Variants in PPL observed in about 807,000 individuals in gnomAD.
PPL encodes the protein 190 kDa paraneoplastic pemphigus antigen.
A neutral mutation model predicts 194.4 loss-of-function variants in PPL; 198 were observed. The ratio of observed to expected loss-of-function variants is 1.02; its 90% CI spans 0.91 to 1.15. The LOEUF (loss-of-function observed/expected upper bound fraction) is 1.15, where lower values mean the gene tolerates loss of function less well. Among genes scored for constraint, PPL ranks in the 50% most tolerant of loss-of-function variants. The probability of loss-of-function intolerance (pLI) is 0.00; values close to 1 mark genes in which losing one functional copy is unlikely to be tolerated. For missense variants in PPL, 2,885 were observed against 2,294.8 expected, an observed-to-expected ratio of 1.26 and a Z score of -5.25; for synonymous variants, 1,220 against 972.4, an observed-to-expected ratio of 1.25 and a Z score of -4.74.
In PPL at chr16:4,885,528, C is replaced by G; in HGVS notation, c.3127G>C (p.Glu1043Gln). ...TTCTCCTGCGCCCGGCTCTTCTCTT[C>G]AGCCAGGGCGGCCACACGCTGCTGC... ...LLQQRVAALA[E>Q]EKSRAQEKVT... The change falls in exon 22 of 22, where the codon GAA (glutamate) becomes CAA (glutamine). Residue 1043 changes from glutamate (E) to glutamine (Q), a missense_variant. Glu to Gln is a conservative substitution (Grantham distance 29, BLOSUM62 2). Coordinates refer to ENST00000345988, the MANE Select transcript of PPL (RefSeq NM_002705.5). This position sits in a 1 kb window ranked among gnomAD's most constrained non-coding sequence, Gnocchi z 6.3. The G allele has an allele frequency of 6.2e-7, 1 of 1,611,020 alleles. No individual in the cohort carries two copies. Among genetic ancestry groups the G allele is most frequent in the African/African-American group, 1.3e-5 (1 of 75,040 alleles).
chr16:4,910,725 T>G, intron 2 of PPL, 125 bp downstream of exon 2: 1 of 845,348 alleles, frequency 1.2e-6, no homozygotes, highest in Non-Finnish European at 1.9e-6. Flanking sequence ...CCAAAATGTC[T>G]CTGCATGTTC....
intron 9 of PPL, among the ~76,000 whole-genome samples, chr16:4,896,601 TG>T (rs1480967997): frequency 6.8e-6 from 1 of 146,938 alleles, no homozygotes; most frequent in African/African-American, 2.5e-5. Flanking sequence ...GCTGGGGGAG[TG>T]GGAATGGAAA....
At chr16:4,930,027 A>C (rs1422431128) in intron 1 of PPL, among the ~76,000 whole-genome samples, 1 of 152,140 alleles carries the variant, frequency 6.6e-6, no homozygotes, top group African/African-American at 2.4e-5. Context: ...ATTCAGGAAG[A>C]GTAAGTGGAA....
intron 3 of PPL, among the ~76,000 whole-genome samples, chr16:4,903,118 C>T (rs1457547145): frequency 6.6e-6 from 1 of 152,172 alleles, no homozygotes; most frequent in Admixed American, 6.5e-5. Context: ...CAGCAGGGCC[C>T]ACAGTGTGGT....
chr16:4,895,105 G>A (rs558709684), intron 11 of PPL, among the ~76,000 whole-genome samples, 156 bp downstream of exon 11: 3 of 152,332 alleles, frequency 2.0e-5, no homozygotes, highest in Admixed American at 6.5e-5. Context: ...CGGCATAGGG[G>A]TGCCAGTTGG....
At position 4,902,588 on chromosome 16, in the gene PPL, G is replaced by T; in HGVS notation, c.318-62C>A. The stretch of plus-strand genomic sequence containing the variant: ...TGGCACTGCCTGCACCCCAGGAGGG[G>T]CCCCCCACCCAGACCCCGGCCTCAG... On this transcript the variant is annotated intron_variant, in intron 3 of 21. Transcript: ENST00000345988. This position sits in a 1 kb window ranked among gnomAD's most constrained non-coding sequence, Gnocchi z 4.0. 1 of 1,573,840 alleles carries T rather than the reference G, an allele frequency of 6.4e-7. No homozygotes were observed.
chr16:4,893,434 G>C, intron 13 of PPL, 64 bp from the exon 14 acceptor site: 1 of 1,589,572 alleles, frequency 6.3e-7, no homozygotes, highest in East Asian at 2.2e-5. Context: ...GCCCAGGGAT[G>C]GACCTAGGCA....
intron 1 of PPL, among the ~76,000 whole-genome samples, chr16:4,924,151 C>A (rs2089110810): frequency 6.6e-6 from 1 of 152,154 alleles, no homozygotes; most frequent in African/African-American, 2.4e-5. Context: ...CTGAGCCACA[C>A]AGAATTTACA....
rs2088402864 is a variant in PPL, at chr16:4,895,272, C to G, written c.1231G>C (p.Glu411Gln). The G allele has an allele frequency of 4.4e-6, 7 of 1,605,994 alleles. No individual in the cohort carries two copies. Among genetic ancestry groups the G allele is most frequent in the Middle Eastern group, 3.3e-4 (2 of 6,010 alleles). Residue 411 changes from glutamate to glutamine, a missense_variant, in exon 11 of 22, where the codon GAG becomes CAG. By Grantham distance (29) the Glu-to-Gln change is conservative. Transcript: ENST00000345988. ...PIPVEALCDF[E>Q]GEQGLISRGY... ...CTGGCCCCACGCACCTGCTCCCCCT[C>G]AAAGTCACAGAGTGCCTCCACGGGG...
chr16:4,899,025 CCTCCCGGGG>C lies in PPL; in HGVS notation c.855_863del (p.His285_Arg288delinsGln). 6.2e-7 allele frequency: 1 copy of C among 1,613,552 alleles called. No homozygotes were observed. The highest frequency in any genetic ancestry group is 8.5e-7 in the Non-Finnish European group (1 of 1,179,902). On this transcript the variant is annotated inframe_deletion, in exon 8 of 22. Coordinates refer to ENST00000345988, the MANE Select transcript of PPL (RefSeq NM_002705.5). ...GGGGTGCATGAACCTCAATGGAGTT[CCTCCCGGGG>C]TGCTCGGCCGCCAGCAGCTGGTCGC...
At chr16:4,888,713 T>TC in intron 19 of PPL, 1 of 209,316 alleles carries the variant, frequency 4.8e-6, no homozygotes. Context: ...TTATCCTGCA[T>TC]TTTTTTTTTT....
At chr16:4,886,775 C>T (rs1340131060) in intron 21 of PPL, among the ~76,000 whole-genome samples, 7 of 152,170 alleles carry the variant, frequency 4.6e-5, no homozygotes, top group Admixed American at 6.6e-5. Flanking sequence ...TGCGCCACGA[C>T]GCCCAGCTAA....
intron 1 of PPL, among the ~76,000 whole-genome samples, chr16:4,911,796 C>T (rs567164534): frequency 6.6e-6 from 1 of 152,276 alleles, no homozygotes; most frequent in East Asian, 1.9e-4. Context: ...CCTTGGACTC[C>T]CAAAGTGCTG....
In PPL at chr16:4,920,385, A is replaced by G. The variant is rs1378559684; in HGVS notation, c.63-9436T>C. Among the ~76,000 whole-genome samples, 26 of 151,686 alleles carry G rather than the reference A, an allele frequency of 1.7e-4. 1 individual carries two copies. The highest frequency in any genetic ancestry group is 1.7e-3 in the Admixed American group (26 of 15,192). Reference sequence around the variant, plus strand: ...AAAGAAAGAAAGGACACCTCGGTCAAATTTCAAAGACACCTTTGTGGTTCA... The same window carrying G: ...AAAGAAAGAAAGGACACCTCGGTCAGATTTCAAAGACACCTTTGTGGTTCA... On this transcript the variant is annotated intron_variant, in intron 1 of 21. Coordinates refer to ENST00000345988, the MANE Select transcript of PPL (RefSeq NM_002705.5).
Position 4,884,600 on chromosome 16 carries a change from T to C in PPL, c.4055A>G (p.Gln1352Arg). ...ELSRVKERVV[Q>R]QEVVRYEEEP... ...CTCCTCATACCTGACCACCTCCTGCTGCACCACCCTTTCCTTCACCCGCGA... is the reference window on the plus strand; with the variant it reads ...CTCCTCATACCTGACCACCTCCTGCCGCACCACCCTTTCCTTCACCCGCGA... The change falls in exon 22 of 22, where the codon CAG becomes CGG. Residue 1352 changes from glutamine (Q) to arginine (R), a missense_variant. Coordinates refer to ENST00000345988, the MANE Select transcript of PPL (RefSeq NM_002705.5). This position sits in a 1 kb window ranked among gnomAD's most constrained non-coding sequence, Gnocchi z 5.7. 3 of 1,614,128 alleles carry C rather than the reference T, an allele frequency of 1.9e-6. No homozygotes were observed. The highest frequency in any genetic ancestry group is 2.5e-6 in the Non-Finnish European group (3 of 1,180,000).
chr16:4,899,217 A>G lies in PPL; in HGVS notation c.768+6T>C, dbSNP rs780773376. 6.2e-7 allele frequency: 1 copy of G among 1,613,658 alleles called. No individual in the cohort carries two copies. Among genetic ancestry groups the G allele is most frequent in the South Asian group, 1.1e-5 (1 of 91,042 alleles). ...CTCCCTGATGCCCCAGGCCCCCAGA[A>G]CCCACCTCATACTGGCGCCGGCGGC... On this transcript the variant is annotated splice_donor_region_variant and intron_variant, in intron 7 of 21. Coordinates refer to ENST00000345988, the MANE Select transcript of PPL (RefSeq NM_002705.5).
chr16:4,891,068 C>G lies in PPL; in HGVS notation c.1969-147G>C, dbSNP rs1315866316. 9 of 627,802 alleles carry G rather than the reference C, an allele frequency of 1.4e-5. No individual in the cohort carries two copies. In the South Asian group the frequency reaches 2.2e-4, roughly 15 times the overall value. The allele number at this position is 627,802 out of a possible 1,614,324, so 38.9% of individuals were successfully genotyped here. A position where few individuals can be genotyped will look rare whatever the true frequency, so the allele number is the denominator to read the frequency against. On this transcript the variant is annotated intron_variant, in intron 16 of 21. Transcript: ENST00000345988. Reference sequence around the variant, plus strand: ...GGACCGGAGCCTTGCTCTGTACATCCCAAACCTGGGTCACTTCTGCCATCT... The same window carrying G: ...GGACCGGAGCCTTGCTCTGTACATCGCAAACCTGGGTCACTTCTGCCATCT...
rs1022785998 is a variant in PPL at position 4,885,274 on chromosome 16, C to G, written c.3381G>C (p.Glu1127Asp). Reference sequence around the variant, plus strand: ...GGCGGGTGAGATCGCTGACCTCCCTCTCGGTGGCCGCGTCCTTCTCCACCT... The same window carrying G: ...GGCGGGTGAGATCGCTGACCTCCCTGTCGGTGGCCGCGTCCTTCTCCACCT... ...VLKVEKDAAT[E>D]REVSDLTRQY... The change falls in exon 22 of 22, where the codon GAG (glutamate) becomes GAC (aspartate). Residue 1127 changes from glutamate (E) to aspartate (D), a missense_variant. By Grantham distance (45) the Glu-to-Asp change is conservative. Transcript: ENST00000345988. This position sits in a 1 kb window ranked among gnomAD's most constrained non-coding sequence, Gnocchi z 6.3. 6.2e-7 allele frequency: 1 copy of G among 1,612,024 alleles called. No individual in the cohort carries two copies. The highest frequency in any genetic ancestry group is 8.5e-7 in the Non-Finnish European group (1 of 1,179,978).
intron 1 of PPL, among the ~76,000 whole-genome samples, chr16:4,920,371 G>GGAAGAAAGAAAGAAAGAAAGAAA (rs1555523899): frequency 3.2e-5 from 3 of 94,234 alleles, no homozygotes; most frequent in African/African-American, 6.4e-5. Context: ...AAGAAAGAAA[G>GGAAGAAAGAAAGAAAGAAAGAAA]GACACCTCGG....
Sources: allele counts gnomAD v4.1 joint callset (sites outside exome capture counted in the v4.1 genomes callset), GRCh38; gene constraint gnomAD v4.1.1; non-coding constraint Gnocchi (gnomAD v3.1); transcripts MANE v1.5; gene names NCBI Gene and HGNC (gene_info 2026-07-23, HGNC 2026-07-21).